APTX: variants seen among roughly 807,000 people sequenced by gnomAD.
APTX encodes the protein aprataxin, also known as forkhead-associated domain histidine triad-like protein.
In APTX, 33 loss-of-function variants were observed where a neutral mutation model predicts 42.3. The ratio of observed to expected loss-of-function variants is 0.78; its 90% confidence interval spans 0.59 to 1.04. The LOEUF (loss-of-function observed/expected upper bound fraction) is 1.04, where lower values mean the gene tolerates loss of function less well. APTX is among the 50% of genes least tolerant of loss of function. The pLI, the probability that APTX is intolerant of heterozygous loss-of-function variation, is 0.00. For synonymous variants in APTX, 130 were observed against 146.7 expected, an observed-to-expected ratio of 0.89 and a Z score of 0.82; for missense variants, 421 against 415.1, an observed-to-expected ratio of 1.01 and a Z score of -0.12.
At chr9:33,025,049 C>T (rs1364558364) in exon 1 of APTX, 1 of 152,522 alleles carries the variant, frequency 6.6e-6, no homozygotes, top group Non-Finnish European at 1.5e-5. Flanking sequence ...CACTCTCAGG[C>T]TCGCTGAGTG....
chr9:32,988,635 C>T (rs944064643), intron 2 of APTX, among the ~76,000 whole-genome samples: 2 of 125,724 alleles, frequency 1.6e-5, no homozygotes, highest in Non-Finnish European at 1.6e-5. Flanking sequence ...GAGTCAAGAT[C>T]GCACCACTAC....
intron 2 of APTX, among the ~76,000 whole-genome samples, chr9:32,988,685 GGAAA>G (rs1191525030): frequency 0.011 from 637 of 60,430 alleles, 15 homozygotes; most frequent in South Asian, 0.039. Flanking sequence ...TATCTCAGGA[GGAAA>G]AAAAAAAAAA....
At chr9:32,987,503 C>G in intron 4 of APTX, 41 bp downstream of exon 4, 1 of 1,610,070 alleles carries the variant, frequency 6.2e-7, no homozygotes, top group Admixed American at 1.7e-5. Flanking sequence ...CATTATATTT[C>G]ATTTCTTCTC....
Position 32,973,661 on chromosome 9 carries a change from A to T in APTX, c.875-9T>A, listed in dbSNP as rs753823355. On this transcript the variant is annotated splice_polypyrimidine_tract_variant and intron_variant, in intron 7 of 7. Coordinates refer to ENST00000379817, the MANE Select transcript of APTX (RefSeq NM_001195248.2). ...TACCATCTCGATCACAGCTGCAGGC[A>T]AGGAAGAAAAGTCAAATCCCAGCTA... The T allele has an allele frequency of 1.2e-6, 2 of 1,613,386 alleles. No individual in the cohort carries two copies. The highest frequency in any genetic ancestry group is 1.7e-6 in the Non-Finnish European group (2 of 1,179,940).
At chr9:33,000,616 A>G (rs1447494081) in intron 1 of APTX, among the ~76,000 whole-genome samples, 1 of 125,158 alleles carries the variant, frequency 8.0e-6, no homozygotes, top group Non-Finnish European at 1.6e-5. Flanking sequence ...ACAGAGTGAG[A>G]CTCTGTCTCA....
In APTX at chr9:32,984,846, A is replaced by G. The variant is rs538063585; in HGVS notation, c.555T>C (p.Asp185=). The change falls in exon 6 of 8, where the codon GAT becomes GAC. Residue 185 remains aspartate, a synonymous_variant. Coordinates refer to ENST00000379817, the MANE Select transcript of APTX (RefSeq NM_001195248.2). Reference sequence around the variant, plus strand: ...TATCCTTTATCACCACCACCTGCTCATCTTTGTAAACCTAGCAGAGGGATA... The same window carrying G: ...TATCCTTTATCACCACCACCTGCTCGTCTTTGTAAACCTAGCAGAGGGATA... ...MQDPKMQVYK[D]EQVVVIKDKY... 6 of 1,614,050 alleles carry G rather than the reference A, an allele frequency of 3.7e-6. No individual in the cohort carries two copies. The South Asian group carries it at 6.6e-5, about 18-fold the overall frequency.
At chr9:32,989,408 T>C (rs574078611) in intron 2 of APTX, among the ~76,000 whole-genome samples, 1 of 152,304 alleles carries the variant, frequency 6.6e-6, no homozygotes, top group East Asian at 1.9e-4. Flanking sequence ...CACTACCCCA[T>C]TACTTCTCAG....
chr9:32,986,408 G>C (rs1832145918), intron 4 of APTX, among the ~76,000 whole-genome samples: 2 of 151,942 alleles, frequency 1.3e-5, no homozygotes, highest in Non-Finnish European at 2.9e-5. Flanking sequence ...GGTTGGCCAT[G>C]CTGGTCTTGA....
chr9:33,021,211 C>T (rs1838354683), intron 1 of APTX, among the ~76,000 whole-genome samples: 1 of 148,872 alleles, frequency 6.7e-6, no homozygotes, highest in African/African-American at 2.5e-5. Flanking sequence ...ATGACAGCAA[C>T]AACAAAAAAT....
chr9:32,977,636 G>A (rs141814241), intron 6 of APTX, among the ~76,000 whole-genome samples: 1 of 152,120 alleles, frequency 6.6e-6, no homozygotes, highest in African/African-American at 2.4e-5. Flanking sequence ...TTCAAGACCA[G>A]CCTGGCCAAT....
At chr9:33,008,675 C>G (rs1837329589) in intron 1 of APTX, among the ~76,000 whole-genome samples, 1 of 152,140 alleles carries the variant, frequency 6.6e-6, no homozygotes. Flanking sequence ...CCTCAGCCTC[C>G]CCAGTAGCTG....
chr9:32,999,891 C>T (rs1835858179), intron 1 of APTX, among the ~76,000 whole-genome samples: 1 of 152,104 alleles, frequency 6.6e-6, no homozygotes, highest in South Asian at 2.1e-4. Flanking sequence ...ACCCGGGAGG[C>T]GGAGCTTGCA....
Position 32,973,373 on chromosome 9 carries a change from A to T in APTX, c.*125T>A. The T allele has an allele frequency of 8.7e-7, 1 of 1,148,322 alleles. No homozygotes were observed. The highest frequency in any genetic ancestry group is 2.4e-5 in the East Asian group (1 of 42,128). The allele number at this position is 1,148,322 out of a possible 1,614,324, so 71.1% of individuals were successfully genotyped here. A position where few individuals can be genotyped will look rare whatever the true frequency, so the allele number is the denominator to read the frequency against. On this transcript the variant is annotated 3_prime_UTR_variant, in exon 8 of 8. Transcript: ENST00000379817. ...CATTGTGGCCACTCAATAATAGAAT[A>T]AATTTGTGAAAAAGCTGCATGTTTT... is the stretch of plus-strand genomic sequence containing the variant.
chr9:33,001,463 G>C (rs781770785), intron 1 of APTX, 104 bp downstream of exon 1: 1 of 1,589,026 alleles, frequency 6.3e-7, no homozygotes, highest in African/African-American at 1.3e-5. Context: ...TGAAAGCAGC[G>C]TCATTCAAGG....
At chr9:33,008,936 C>T (rs1386029322) in intron 1 of APTX, among the ~76,000 whole-genome samples, 1 of 152,216 alleles carries the variant, frequency 6.6e-6, no homozygotes, top group Non-Finnish European at 1.5e-5. Flanking sequence ...CTGTTCTATA[C>T]ATTACAGTGT....
intron 1 of APTX, among the ~76,000 whole-genome samples, chr9:33,012,789 G>A (rs900924915): frequency 1.3e-5 from 2 of 152,156 alleles, no homozygotes; most frequent in East Asian, 1.9e-4. Flanking sequence ...CCAATTTTGA[G>A]GGCAGCTTGC....
chr9:33,018,143 C>T (rs1838052410), intron 1 of APTX, among the ~76,000 whole-genome samples: 1 of 149,978 alleles, frequency 6.7e-6, no homozygotes, highest in Non-Finnish European at 1.5e-5. Flanking sequence ...AGACGACTCA[C>T]TCTGTCACCC....
rs1018372403 is a variant in APTX at position 32,973,235 on chromosome 9, T to C, written c.*263A>G. The C allele has an allele frequency of 3.5e-6, 2 of 574,970 alleles. No homozygotes were observed. Among genetic ancestry groups the C allele is most frequent in the East Asian group, 3.9e-5 (1 of 25,706 alleles). The allele number at this position is 574,970 out of a possible 1,614,324, so 35.6% of individuals were successfully genotyped here. On this transcript the variant is annotated 3_prime_UTR_variant, in exon 8 of 8. Coordinates refer to ENST00000379817, the MANE Select transcript of APTX (RefSeq NM_001195248.2). ...TGGCTTTGCTCCCAATGGTCAGACC[T>C]GACATGGGTCCTTCTGAAGATGGTG...
chr9:33,001,536 A>G, intron 1 of APTX, 31 bp downstream of exon 1: 3 of 1,613,614 alleles, frequency 1.9e-6, no homozygotes, highest in South Asian at 1.1e-5. Flanking sequence ...GAGCCCAGCC[A>G]GCAGAAGAGA....
Sources: gnomAD v4.1 joint callset for allele counts (sites outside exome capture counted in the v4.1 genomes callset) on GRCh38, gnomAD v4.1.1 for gene constraint, MANE v1.5 for transcripts, NCBI Gene and HGNC (gene_info 2026-07-23, HGNC 2026-07-21) for gene names.